Variants in LRRTM4 observed in about 807,000 individuals in gnomAD.
LRRTM4 encodes the protein leucine-rich repeat transmembrane neuronal protein 4.
Under a neutral mutation model 47.6 loss-of-function variants are expected in LRRTM4, and 25 were observed. The observed-to-expected ratio is 0.53, with a 90% CI of 0.38 to 0.73. The LOEUF (loss-of-function observed/expected upper bound fraction) is 0.73, where lower values mean the gene tolerates loss of function less well. LRRTM4 is among the 30% of genes least tolerant of loss of function. The pLI, the probability that LRRTM4 is intolerant of heterozygous loss-of-function variation, is 0.00. For missense variants in LRRTM4, 638 were observed against 713.4 expected (o/e 0.89, Z 1.20); for synonymous variants, 311 against 269.5 (o/e 1.15, Z -1.51).
chr2:77,382,345 A>G (rs1189747879), intron 3 of LRRTM4, among the ~76,000 whole-genome samples: 1 of 152,038 alleles, frequency 6.6e-6, no homozygotes, highest in Non-Finnish European at 1.5e-5. Context: ...TCTCCCAGAA[A>G]CCCTGCGCTT....
At chr2:77,065,041 G>A (rs769062488) in intron 3 of LRRTM4, among the ~76,000 whole-genome samples, 1 of 151,894 alleles carries the variant, frequency 6.6e-6, no homozygotes, top group African/African-American at 2.4e-5. Flanking sequence ...TTAACATATC[G>A]ATTCAACACC....
At chr2:77,228,095 T>A (rs182732722) in intron 3 of LRRTM4, among the ~76,000 whole-genome samples, 1 of 152,182 alleles carries the variant, frequency 6.6e-6, no homozygotes, top group South Asian at 2.1e-4. Flanking sequence ...TTATAAATTC[T>A]TATAGCACAA....
chr2:77,302,331 C>A (rs1677152212), intron 3 of LRRTM4, among the ~76,000 whole-genome samples: 1 of 152,100 alleles, frequency 6.6e-6, no homozygotes. Context: ...GTAAATAGAT[C>A]TACTTTTTAT....
At chr2:77,306,900 T>G (rs978152426) in intron 3 of LRRTM4, among the ~76,000 whole-genome samples, 1 of 134,918 alleles carries the variant, frequency 7.4e-6, no homozygotes. Context: ...TTTCCATATT[T>G]TTTTTTTTTT....
intron 3 of LRRTM4, among the ~76,000 whole-genome samples, chr2:77,113,211 C>A (rs903387416): frequency 6.6e-6 from 1 of 152,036 alleles, no homozygotes; most frequent in Non-Finnish European, 1.5e-5. Context: ...AGCCTGCAGA[C>A]GGGCCTCCTC....
At chr2:77,084,231 G>A (rs560821742) in intron 3 of LRRTM4, among the ~76,000 whole-genome samples, 17 of 152,222 alleles carry the variant, frequency 1.1e-4, no homozygotes, top group African/African-American at 4.1e-4. Flanking sequence ...CTTGTCTTTC[G>A]CTCATCTTCA....
At chr2:77,078,801 G>A (rs184522748) in intron 3 of LRRTM4, among the ~76,000 whole-genome samples, 365 of 152,228 alleles carry the variant, frequency 2.4e-3, no homozygotes, top group Non-Finnish European at 3.4e-3. Context: ...CATTCCAGAT[G>A]CTCTAACAAA....
rs116519539 is a variant in LRRTM4 at position 76,871,573 on chromosome 2, A to T, written c.1552-122657T>A. ...CATTTGTATGGTAGACAGGTTCTGA[A>T]ATGATCTCCTATGATATCTTCCTTT... On this transcript the variant is annotated intron_variant, in intron 3 of 3. Coordinates refer to ENST00000409884, the MANE Select transcript of LRRTM4 (RefSeq NM_001134745.3). Among the ~76,000 whole-genome samples, 858 of 152,234 alleles carry T rather than the reference A, an allele frequency of 5.6e-3. 11 individuals are homozygous for T. The highest frequency in any genetic ancestry group is 0.02 in the African/African-American group (825 of 41,554).
chr2:77,251,115 AT>A (rs1351456270), intron 3 of LRRTM4, among the ~76,000 whole-genome samples: 33 of 148,812 alleles, frequency 2.2e-4, no homozygotes, highest in African/African-American at 2.7e-4. Flanking sequence ...AAGAAAAAAA[AT>A]ATATATACAC....
At chr2:76,781,665 A>T (rs367571455) in intron 3 of LRRTM4, among the ~76,000 whole-genome samples, 5 of 152,314 alleles carry the variant, frequency 3.3e-5, no homozygotes, top group Admixed American at 3.3e-4. Context: ...GGCACTCCCA[A>T]TGAGATTAAC....
At chr2:77,173,968 T>G (rs1673124406) in intron 3 of LRRTM4, among the ~76,000 whole-genome samples, 1 of 152,196 alleles carries the variant, frequency 6.6e-6, no homozygotes, top group Non-Finnish European at 1.5e-5. Context: ...TTTACCTACT[T>G]AGAAGACATA....
At chr2:77,371,968 G>A (rs961904341) in intron 3 of LRRTM4, among the ~76,000 whole-genome samples, 2 of 151,728 alleles carry the variant, frequency 1.3e-5, no homozygotes, top group African/African-American at 4.8e-5. Flanking sequence ...TCATTCCCAT[G>A]AAACAAGACA....
At chr2:77,078,752 C>A (rs986568563) in intron 3 of LRRTM4, among the ~76,000 whole-genome samples, 3 of 152,122 alleles carry the variant, frequency 2.0e-5, no homozygotes, top group Admixed American at 1.3e-4. Flanking sequence ...TTAAAATTGC[C>A]TTTTCATTAG....
At chr2:77,376,721 T>C (rs1672856046) in intron 3 of LRRTM4, among the ~76,000 whole-genome samples, 1 of 151,872 alleles carries the variant, frequency 6.6e-6, no homozygotes, top group Admixed American at 6.6e-5. Flanking sequence ...TCATGATTTA[T>C]CATGCTATCA....
At chr2:77,331,802 G>GT (rs1469846637) in intron 3 of LRRTM4, among the ~76,000 whole-genome samples, 3 of 151,996 alleles carry the variant, frequency 2.0e-5, no homozygotes, top group African/African-American at 4.8e-5. Context: ...TAAAATCTCT[G>GT]TTTTTTTCTA....
At chr2:77,032,791 A>G (rs1332830051) in intron 3 of LRRTM4, among the ~76,000 whole-genome samples, 3 of 152,118 alleles carry the variant, frequency 2.0e-5, no homozygotes, top group Admixed American at 1.3e-4. Context: ...ATTTATAGAA[A>G]TTATGTTTCA....
intron 3 of LRRTM4, among the ~76,000 whole-genome samples, chr2:76,837,842 A>T (rs1671560102): frequency 6.6e-6 from 1 of 152,048 alleles, no homozygotes; most frequent in Admixed American, 6.6e-5. Flanking sequence ...AAGGACAAAA[A>T]ACCAAACACC....
At chr2:76,968,245 G>C (rs938107308) in intron 3 of LRRTM4, among the ~76,000 whole-genome samples, 1 of 145,878 alleles carries the variant, frequency 6.9e-6, no homozygotes, top group African/African-American at 2.6e-5. Context: ...AACAACATTG[G>C]AAATTCTTTT....
chr2:77,170,605 T>C (rs1673019012), intron 3 of LRRTM4, among the ~76,000 whole-genome samples: 1 of 152,160 alleles, frequency 6.6e-6, no homozygotes, highest in Non-Finnish European at 1.5e-5. Flanking sequence ...CACGGAAAAC[T>C]AATACATGGT....
Sources: allele counts gnomAD v4.1 joint callset (sites outside exome capture counted in the v4.1 genomes callset), GRCh38; gene constraint gnomAD v4.1.1; transcripts MANE v1.5; gene names NCBI Gene and HGNC (gene_info 2026-07-23, HGNC 2026-07-21).